Variants in NTRK2 observed in about 807,000 individuals in gnomAD.
The protein encoded by NTRK2 is BDNF/NT-3 growth factors receptor.
In NTRK2, 13 loss-of-function variants were observed where a neutral mutation model predicts 94.5. The ratio of observed to expected loss-of-function variants is 0.14; its 90% CI spans 0.09 to 0.22. NTRK2 has a LOEUF of 0.22. Ranked by LOEUF, NTRK2 falls within the 10% of genes least tolerant of loss-of-function variation. The pLI is 1.00. For synonymous variants in NTRK2, 372 were observed against 407.4 expected, an observed-to-expected ratio of 0.91 and a Z score of 1.05; for missense variants, 639 against 1,071.2, an observed-to-expected ratio of 0.60 and a Z score of 5.63.
chr9:84,981,202 T>C (rs2133228341), intron 17 of NTRK2, among the ~76,000 whole-genome samples: 1 of 152,296 alleles, frequency 6.6e-6, no homozygotes, highest in African/African-American at 2.4e-5. Flanking sequence ...TGCCTCAGGC[T>C]CCCAAGTAGC....
At chr9:84,835,001 T>G (rs138730298) in intron 12 of NTRK2, among the ~76,000 whole-genome samples, 1 of 152,170 alleles carries the variant, frequency 6.6e-6, no homozygotes, top group Non-Finnish European at 1.5e-5. Flanking sequence ...TTCCTGGTAG[T>G]GGGTATGGCC....
intron 14 of NTRK2, among the ~76,000 whole-genome samples, chr9:84,915,409 T>A (rs557205849): frequency 6.6e-6 from 1 of 152,320 alleles, no homozygotes; most frequent in African/African-American, 2.4e-5. Flanking sequence ...CTCACACTTT[T>A]AGTTCTTGAG....
At chr9:84,940,807 A>T (rs998812958) in intron 15 of NTRK2, among the ~76,000 whole-genome samples, 2 of 151,452 alleles carry the variant, frequency 1.3e-5, no homozygotes, top group African/African-American at 4.8e-5. Context: ...AGGTAAGGTT[A>T]TTTCTAAGAC....
At chr9:84,985,640 A>G (rs1046646818) in intron 17 of NTRK2, among the ~76,000 whole-genome samples, 13 of 152,108 alleles carry the variant, frequency 8.5e-5, no homozygotes, top group African/African-American at 3.1e-4. Context: ...ATTGAAATCT[A>G]CTCTCTTTGA....
intron 9 of NTRK2, among the ~76,000 whole-genome samples, chr9:84,729,394 T>A (rs1356571701): frequency 1.3e-5 from 2 of 152,140 alleles, no homozygotes; most frequent in African/African-American, 4.8e-5. Context: ...TAATTGAGAG[T>A]TTAGCTGCTT....
intron 2 of NTRK2, among the ~76,000 whole-genome samples, chr9:84,688,450 C>G (rs1243632198): frequency 6.6e-6 from 1 of 152,134 alleles, no homozygotes; most frequent in African/African-American, 2.4e-5. Context: ...GCCCCACCCT[C>G]TCTTCAGGGG....
rs201072815 is a variant in NTRK2, at chr9:85,021,512, C to A, written c.*75C>A. ...GAGAGGATGAACATCTTTTAACTGC[C>A]GCTGGAGGCCACCAAGCTGCTCTCC... On this transcript the variant is annotated 3_prime_UTR_variant, in exon 19 of 19. Coordinates refer to ENST00000277120, the MANE Select transcript of NTRK2 (RefSeq NM_006180.6). 10 of 1,435,970 alleles carry A rather than the reference C, an allele frequency of 7.0e-6. No individual in the cohort carries two copies. The highest frequency in any genetic ancestry group is 8.8e-6 in the Non-Finnish European group (9 of 1,019,632). The allele number at this position is 1,435,970 out of a possible 1,614,324, so 89.0% of individuals were successfully genotyped here.
At chr9:84,834,644 C>T (rs1177638757) in intron 12 of NTRK2, among the ~76,000 whole-genome samples, 1 of 152,138 alleles carries the variant, frequency 6.6e-6, no homozygotes, top group South Asian at 2.1e-4. Flanking sequence ...TTCATCTTTC[C>T]TGGCTCGGGT....
At chr9:84,784,707 G>A (rs911158168) in intron 12 of NTRK2, among the ~76,000 whole-genome samples, 1 of 152,166 alleles carries the variant, frequency 6.6e-6, no homozygotes, top group Admixed American at 6.5e-5. Context: ...TAAGGACTCT[G>A]TTCCCTTTAG....
chr9:84,994,080 A>T (rs1829431911), intron 17 of NTRK2, among the ~76,000 whole-genome samples: 1 of 152,180 alleles, frequency 6.6e-6, no homozygotes, highest in African/African-American at 2.4e-5. Flanking sequence ...TTAGCCACTA[A>T]AGGGTTACTT....
At chr9:84,695,506 A>G (rs1234974157) in intron 2 of NTRK2, among the ~76,000 whole-genome samples, 1 of 152,188 alleles carries the variant, frequency 6.6e-6, no homozygotes. Context: ...AAAGCCAGCT[A>G]TAAGCTTTTT....
intron 3 of NTRK2, 34 bp downstream of exon 3, chr9:84,702,267 A>G: frequency 6.2e-7 from 1 of 1,612,652 alleles, no homozygotes; most frequent in Non-Finnish European, 8.5e-7. Flanking sequence ...ATTATCTCAG[A>G]GAATTTTCCT....
chr9:84,747,432 GC>G (rs1408379139), intron 11 of NTRK2, among the ~76,000 whole-genome samples: 1 of 150,022 alleles, frequency 6.7e-6, no homozygotes, highest in Non-Finnish European at 1.5e-5. Flanking sequence ...CATGTATTAA[GC>G]CCAATTACAC....
At chr9:84,838,800 C>G (rs1003823772) in intron 12 of NTRK2, among the ~76,000 whole-genome samples, 10 of 151,810 alleles carry the variant, frequency 6.6e-5, no homozygotes, top group African/African-American at 2.4e-4. Context: ...GCTTATTTAC[C>G]AAAAATAGAT....
intron 14 of NTRK2, among the ~76,000 whole-genome samples, chr9:84,878,543 A>T (rs983256701): frequency 6.6e-6 from 1 of 151,756 alleles, no homozygotes; most frequent in Non-Finnish European, 1.5e-5. Flanking sequence ...CTGAGGCAGG[A>T]GAATCGCTTG....
intron 15 of NTRK2, 58 bp downstream of exon 15, chr9:84,934,350 T>G: frequency 6.3e-7 from 1 of 1,591,336 alleles, no homozygotes; most frequent in Non-Finnish European, 8.6e-7. Flanking sequence ...TGTGGAAATT[T>G]AACTCTATTT....
intron 6 of NTRK2, among the ~76,000 whole-genome samples, chr9:84,718,681 A>G (rs1365008232): frequency 6.6e-6 from 1 of 152,222 alleles, no homozygotes; most frequent in Non-Finnish European, 1.5e-5. Context: ...TAGAGCTAGC[A>G]GCTCTTGGAA....
Position 84,857,655 on chromosome 9 carries a change from T to C in NTRK2, c.1397-3385T>C, listed in dbSNP as rs138843783. Among the ~76,000 whole-genome samples the C allele has an allele frequency of 9.5e-3, 1,452 of 152,288 alleles. 22 individuals are homozygous for C. The highest frequency in any genetic ancestry group is 0.033 in the African/African-American group (1,390 of 41,556). ...GAAGATTGTATTCTCTCCTACATAA[T>C]GACTGAGTTAATTTTAAACAGAACT... On this transcript the variant is annotated intron_variant, in intron 12 of 18. Transcript: ENST00000277120.
intron 14 of NTRK2, among the ~76,000 whole-genome samples, chr9:84,924,212 G>A: frequency 6.9e-6 from 1 of 145,882 alleles, no homozygotes; most frequent in African/African-American, 2.5e-5. Flanking sequence ...GTGAGACCCT[G>A]TCTCAAAGAA....
Sources: allele counts gnomAD v4.1 joint callset (sites outside exome capture counted in the v4.1 genomes callset), GRCh38; gene constraint gnomAD v4.1.1; transcripts MANE v1.5; gene names NCBI Gene and HGNC (gene_info 2026-07-23, HGNC 2026-07-21).